SNX24: variants seen among roughly 807,000 people sequenced by gnomAD.
The protein encoded by SNX24 is sorting nexin 24, also known as sorting nexin-24.
Under a neutral mutation model 28.7 loss-of-function variants are expected in SNX24, and 22 were observed. The ratio of observed to expected loss-of-function variants is 0.77; its 90% CI spans 0.55 to 1.10. The LOEUF (loss-of-function observed/expected upper bound fraction) is 1.10. SNX24 is among the 50% of genes least tolerant of loss of function. SNX24 has a pLI of 0.00. For missense variants in SNX24, 221 were observed against 201.1 expected, an observed-to-expected ratio of 1.10 and a Z score of -0.60; for synonymous variants, 69 against 71.5, an observed-to-expected ratio of 0.96 and a Z score of 0.18.
chr5:122,956,365 TATACACACAC>T lies in SNX24; in HGVS notation c.249+10208_249+10217del, dbSNP rs1561653638. The stretch of plus-strand genomic sequence containing the variant: ...TAAAACACTTGGGAAAAAAAAAATA[TATACACACAC>T]ACACACACACACACACACACACACA... On this transcript the variant is annotated intron_variant, in intron 3 of 6. Coordinates refer to ENST00000261369, the MANE Select transcript of SNX24 (RefSeq NM_014035.4). Among the ~76,000 whole-genome samples, 262 of 61,400 alleles carry T rather than the reference TATACACACAC, an allele frequency of 4.3e-3. 5 individuals carry two copies. Among genetic ancestry groups the T allele is most frequent in the African/African-American group, 0.021 (253 of 12,234 alleles). The allele number at this position is 61,400 out of a possible 152,430, so 40.3% of individuals were successfully genotyped here.
chr5:122,862,908 A>G (rs1755539859), intron 1 of SNX24, among the ~76,000 whole-genome samples: 1 of 152,146 alleles, frequency 6.6e-6, no homozygotes, highest in Non-Finnish European at 1.5e-5. Flanking sequence ...TAAATTCATA[A>G]AGATATACAT....
intron 1 of SNX24, among the ~76,000 whole-genome samples, chr5:122,927,666 A>C (rs1019448264): frequency 6.6e-6 from 1 of 152,186 alleles, no homozygotes; most frequent in African/African-American, 2.4e-5. Context: ...GTGAAGCAAA[A>C]TCTTCTTGTT....
chr5:122,983,380 A>G (rs1373256530), intron 3 of SNX24, among the ~76,000 whole-genome samples: 2 of 152,204 alleles, frequency 1.3e-5, no homozygotes, highest in African/African-American at 4.8e-5. Flanking sequence ...TAAGACACTT[A>G]GAACCTGTGA....
At chr5:122,874,269 T>C (rs1470233008) in intron 1 of SNX24, among the ~76,000 whole-genome samples, 1 of 152,194 alleles carries the variant, frequency 6.6e-6, no homozygotes, top group East Asian at 1.9e-4. Context: ...ATTGCCAAGA[T>C]TAAATGAAAT....
At chr5:122,891,138 GTAGAAAACTTTACC>G in intron 1 of SNX24, 1 of 1,461,366 alleles carries the variant, frequency 6.8e-7, no homozygotes, top group Non-Finnish European at 9.1e-7. Context: ...ATTTTTGACT[GTAGAAAACTTTACC>G]TAGTGTTTTT....
rs183842927 is a variant in SNX24 at position 122,937,536 on chromosome 5, T to C, written c.144+719T>C. 5.7e-3 allele frequency among the ~76,000 whole-genome samples: 861 copies of C among 152,334 alleles called. 12 individuals carry two copies. Among genetic ancestry groups the C allele is most frequent in the African/African-American group, 0.019 (777 of 41,576 alleles). ...AGTTATTATTGGCATGCTGAAATTA[T>C]TTTAATATCTAGAAATACCTCATGA... On this transcript the variant is annotated intron_variant, in intron 2 of 6. Coordinates refer to ENST00000261369, the MANE Select transcript of SNX24 (RefSeq NM_014035.4).
chr5:123,022,258 T>C (rs1415781780), intron 5 of SNX24: 1 of 152,118 alleles, frequency 6.6e-6, no homozygotes, highest in East Asian at 1.9e-4. Context: ...AATTTGCAAA[T>C]CAGCAGTAGG....
intron 3 of SNX24, among the ~76,000 whole-genome samples, chr5:122,962,357 CT>C (rs1760518712): frequency 6.6e-6 from 1 of 152,190 alleles, no homozygotes; most frequent in African/African-American, 2.4e-5. Context: ...GATTTACATG[CT>C]TTCCATTGAT....
intron 1 of SNX24, chr5:122,853,752 T>TG (rs1019895777): frequency 1.1e-5 from 4 of 348,062 alleles, no homozygotes; most frequent in African/African-American, 8.6e-5. Flanking sequence ...CCTCCCAAGA[T>TG]GCTGGCATTA....
intron 3 of SNX24, among the ~76,000 whole-genome samples, chr5:122,959,228 T>C (rs1760364613): frequency 6.6e-6 from 1 of 151,974 alleles, no homozygotes. Context: ...TATTTTGTGT[T>C]TCTTTCTAGA....
intron 1 of SNX24, among the ~76,000 whole-genome samples, chr5:122,926,904 GA>G (rs1758723266): frequency 6.6e-6 from 1 of 152,182 alleles, no homozygotes. Flanking sequence ...TCTAGTGATG[GA>G]GAGAGAAGTA....
chr5:122,873,760 CTTTTTTTTTTTTT>C (rs909560379), intron 1 of SNX24, among the ~76,000 whole-genome samples: 1 of 120,642 alleles, frequency 8.3e-6, no homozygotes, highest in Non-Finnish European at 1.7e-5. Context: ...CAAAGGGAAT[CTTTTTTTTTTTTT>C]TTTTTTTTTG....
At chr5:122,851,243 C>T (rs1243060660) in intron 1 of SNX24, among the ~76,000 whole-genome samples, 2 of 152,110 alleles carry the variant, frequency 1.3e-5, no homozygotes, top group East Asian at 1.9e-4. Flanking sequence ...CGGCTTACTG[C>T]AGCCTCTGCC....
intron 1 of SNX24, among the ~76,000 whole-genome samples, chr5:122,894,576 C>T (rs552385180): frequency 1.4e-4 from 22 of 152,216 alleles, no homozygotes; most frequent in Middle Eastern, 3.4e-3. Context: ...TGTTTTTCAG[C>T]GTTTTTCTCT....
chr5:122,969,632 C>T (rs537837991), intron 3 of SNX24, among the ~76,000 whole-genome samples: 77 of 152,234 alleles, frequency 5.1e-4, no homozygotes, highest in Non-Finnish European at 9.1e-4. Context: ...ATCTCTCATA[C>T]ACCTGGAATA....
intron 2 of SNX24, among the ~76,000 whole-genome samples, chr5:122,942,025 G>A (rs1759473078): frequency 6.6e-6 from 1 of 152,130 alleles, no homozygotes; most frequent in Non-Finnish European, 1.5e-5. Flanking sequence ...CCCCACTATG[G>A]CCAAATACTT....
chr5:122,889,983 TCTC>T (rs1395740205), intron 1 of SNX24, among the ~76,000 whole-genome samples: 96 of 152,090 alleles, frequency 6.3e-4, no homozygotes, highest in African/African-American at 2.3e-3. Context: ...GTCTTTTTAG[TCTC>T]CTTCAATCTG....
At chr5:122,848,366 GATT>G (rs1195018628) in intron 1 of SNX24, among the ~76,000 whole-genome samples, 3 of 151,164 alleles carry the variant, frequency 2.0e-5, no homozygotes, top group African/African-American at 7.3e-5. Context: ...AAAGTGCTGG[GATT>G]ATAGGCGCGG....
intron 1 of SNX24, among the ~76,000 whole-genome samples, chr5:122,892,233 T>C (rs1757004057): frequency 6.6e-6 from 1 of 152,002 alleles, no homozygotes. Flanking sequence ...CACACACACA[T>C]GCACTGTGCA....
Sources: allele counts gnomAD v4.1 joint callset (sites outside exome capture counted in the v4.1 genomes callset), GRCh38; gene constraint gnomAD v4.1.1; transcripts MANE v1.5; gene names NCBI Gene and HGNC (gene_info 2026-07-23, HGNC 2026-07-21).